APBA2: variants seen among roughly 807,000 people sequenced by gnomAD.
APBA2 encodes amyloid beta precursor protein binding family A member 2.
APBA2 carries 30 observed loss-of-function variants against 75.0 expected under a neutral mutation model. The ratio of observed to expected loss-of-function variants is 0.40; its 90% CI spans 0.30 to 0.54. The LOEUF (loss-of-function observed/expected upper bound fraction) is 0.54. Ranked by LOEUF, APBA2 falls within the 20% of genes least tolerant of loss-of-function variation. APBA2 has a pLI of 0.49. For synonymous variants in APBA2, 444 were observed against 409.6 expected, an observed-to-expected ratio of 1.08 and a Z score of -1.01; for missense variants, 801 against 1,016.1, an observed-to-expected ratio of 0.79 and a Z score of 2.88.
At chr15:29,013,425 G>A (rs1362760802) in intron 3 of APBA2, among the ~76,000 whole-genome samples, 10 of 151,946 alleles carry the variant, frequency 6.6e-5, no homozygotes, top group Admixed American at 4.6e-4. Context: ...GACTACAGGC[G>A]CCCGCCACCG....
intron 14 of APBA2, among the ~76,000 whole-genome samples, chr15:29,116,851 G>C (rs934597553): frequency 6.6e-6 from 1 of 152,202 alleles, no homozygotes; most frequent in African/African-American, 2.4e-5. Flanking sequence ...CTCCTCTGGA[G>C]CCAGGGGTGG....
chr15:29,064,122 G>A (rs946816863), intron 4 of APBA2, among the ~76,000 whole-genome samples: 15 of 152,144 alleles, frequency 9.9e-5, no homozygotes, highest in African/African-American at 2.2e-4. Flanking sequence ...TTCTCACACC[G>A]AATATCTAAT....
intron 2 of APBA2, among the ~76,000 whole-genome samples, chr15:28,979,354 T>C (rs1460983378): frequency 2.0e-5 from 3 of 152,234 alleles, no homozygotes; most frequent in African/African-American, 7.2e-5. Context: ...TGGTGTCTGC[T>C]GGAATTTGCT....
At chr15:29,006,552 A>G (rs531839658) in intron 3 of APBA2, among the ~76,000 whole-genome samples, 68 of 152,356 alleles carry the variant, frequency 4.5e-4, no homozygotes, top group African/African-American at 1.6e-3. Flanking sequence ...AAGAGGTTTA[A>G]TGGACTCACA....
chr15:28,919,628 C>T (rs951635966), intron 1 of APBA2: 5 of 152,484 alleles, frequency 3.3e-5, no homozygotes, highest in African/African-American at 1.2e-4. Context: ...TTCCCTGTGT[C>T]TCCTGAACAG....
intron 3 of APBA2, among the ~76,000 whole-genome samples, chr15:29,047,485 A>T (rs1354037574): frequency 1.3e-5 from 2 of 152,222 alleles, no homozygotes; most frequent in African/African-American, 4.8e-5. Flanking sequence ...TTTGTTCATC[A>T]TGGATTTATT....
intron 13 of APBA2, among the ~76,000 whole-genome samples, chr15:29,109,393 C>T (rs565694249): frequency 6.6e-6 from 1 of 152,168 alleles, no homozygotes; most frequent in African/African-American, 2.4e-5. Context: ...TCTCCATATA[C>T]TGAGAGCTTA....
intron 2 of APBA2, among the ~76,000 whole-genome samples, chr15:28,930,092 A>G (rs2034482889): frequency 6.6e-6 from 1 of 152,172 alleles, no homozygotes; most frequent in Admixed American, 6.5e-5. Flanking sequence ...GAAGGGGGGC[A>G]AAAGCTATGT....
At chr15:28,976,821 A>G (rs1161179870) in intron 2 of APBA2, among the ~76,000 whole-genome samples, 1 of 152,184 alleles carries the variant, frequency 6.6e-6, no homozygotes, top group African/African-American at 2.4e-5. Flanking sequence ...TGTGGAGATT[A>G]TATTAGACCC....
chr15:28,977,300 T>TC (rs1243744145), intron 2 of APBA2: 2 of 152,054 alleles, frequency 1.3e-5, no homozygotes, highest in Non-Finnish European at 2.9e-5. Flanking sequence ...TTCTTCTCAT[T>TC]CCCATTCATG....
intron 2 of APBA2, among the ~76,000 whole-genome samples, chr15:28,938,656 A>G (rs552312300): frequency 1.2e-4 from 19 of 152,120 alleles, no homozygotes; most frequent in African/African-American, 4.3e-4. Flanking sequence ...TACAAGAGGT[A>G]CGCCACCTCG....
intron 4 of APBA2, among the ~76,000 whole-genome samples, chr15:29,059,867 A>G (rs1190656950): frequency 2.0e-5 from 3 of 152,164 alleles, no homozygotes; most frequent in East Asian, 3.9e-4. Flanking sequence ...TTGGGGGTTT[A>G]CTGATTTCTC....
intron 8 of APBA2, among the ~76,000 whole-genome samples, chr15:29,094,900 CTTT>C (rs60744239): frequency 1.2e-3 from 176 of 146,088 alleles, no homozygotes; most frequent in Non-Finnish European, 1.3e-3. Flanking sequence ...GTCTCCACAA[CTTT>C]TTTTTTTTTT....
intron 1 of APBA2, among the ~76,000 whole-genome samples, chr15:28,899,222 C>G (rs2032699042): frequency 6.6e-6 from 1 of 152,220 alleles, no homozygotes; most frequent in Non-Finnish European, 1.5e-5. Flanking sequence ...AGGCAAGGGC[C>G]CAACCCCTCA....
chr15:29,086,690 C>T (rs573391931), intron 6 of APBA2, among the ~76,000 whole-genome samples: 1 of 152,324 alleles, frequency 6.6e-6, no homozygotes, highest in Admixed American at 6.5e-5. Flanking sequence ...GTTTAGAATA[C>T]ATCCCACAAG....
At chr15:29,104,163 T>C (rs544206761) in intron 10 of APBA2, among the ~76,000 whole-genome samples, 163 of 152,334 alleles carry the variant, frequency 1.1e-3, no homozygotes, top group African/African-American at 3.7e-3. Flanking sequence ...GGGAAGGGAA[T>C]TGAGGCCAAA....
intron 3 of APBA2, among the ~76,000 whole-genome samples, chr15:29,030,420 C>T (rs2040431014): frequency 6.6e-6 from 1 of 151,748 alleles, no homozygotes; most frequent in Non-Finnish European, 1.5e-5. Context: ...CGAGATGGCC[C>T]CACTGCACTC....
chr15:28,903,293 G>A (rs1406173762), intron 1 of APBA2, among the ~76,000 whole-genome samples: 2 of 152,202 alleles, frequency 1.3e-5, no homozygotes, highest in African/African-American at 2.4e-5. Context: ...CACGATAGAC[G>A]ATAGTGACCA....
intron 1 of APBA2, among the ~76,000 whole-genome samples, chr15:28,895,131 T>C (rs1033359835): frequency 1.4e-4 from 22 of 152,248 alleles, no homozygotes; most frequent in Non-Finnish European, 8.8e-5. Flanking sequence ...TTCATCACAT[T>C]ATTAACTGGC....
Sources: gnomAD v4.1 joint callset for allele counts (sites outside exome capture counted in the v4.1 genomes callset) on GRCh38, gnomAD v4.1.1 for gene constraint, MANE v1.5 for transcripts, NCBI Gene and HGNC (gene_info 2026-07-23, HGNC 2026-07-21) for gene names.